Variants in RALGPS2 observed in about 807,000 individuals in gnomAD.
RALGPS2 encodes ras-specific guanine nucleotide-releasing factor RalGPS2.
A neutral mutation model predicts 86.8 loss-of-function variants in RALGPS2; 43 were observed. The ratio of observed to expected loss-of-function variants is 0.50; its 90% CI spans 0.39 to 0.64. RALGPS2 has a LOEUF of 0.64. Ranked by LOEUF, RALGPS2 falls within the 30% of genes least tolerant of loss-of-function variation. RALGPS2 has a pLI of 0.00. For synonymous variants in RALGPS2, 243 were observed against 231.3 expected, an observed-to-expected ratio of 1.05 and a Z score of -0.46; for missense variants, 536 against 694.6, an observed-to-expected ratio of 0.77 and a Z score of 2.57.
intron 1 of RALGPS2, among the ~76,000 whole-genome samples, chr1:178,729,729 A>G (rs1650229151): frequency 6.6e-6 from 1 of 152,184 alleles, no homozygotes; most frequent in African/African-American, 2.4e-5. Context: ...AAAATCTGAC[A>G]AAATCTGAAA....
intron 15 of RALGPS2, among the ~76,000 whole-genome samples, chr1:178,892,967 T>C (rs938806606): frequency 1.3e-5 from 2 of 152,118 alleles, no homozygotes; most frequent in Non-Finnish European, 2.9e-5. Flanking sequence ...TCTCCGTGCA[T>C]GTACCTCCCT....
chr1:178,903,355 A>AT (rs555202598), intron 18 of RALGPS2, among the ~76,000 whole-genome samples: 4 of 151,758 alleles, frequency 2.6e-5, no homozygotes, highest in South Asian at 2.1e-4. Flanking sequence ...CCTACTCAAC[A>AT]TTTTTTTTCC....
At position 178,856,394 on chromosome 1, in the gene RALGPS2, A is replaced by ATTTT. The variant is rs71108081; in HGVS notation, c.608-21075_608-21072dup. On this transcript the variant is annotated intron_variant, in intron 8 of 19. Transcript: ENST00000367635. ...AGGCAAGTGCCACCCTGCCTGGCTA[A>ATTTT]TTTTTTTTTTTTTTTTTTTTTTTTT... is the stretch of plus-strand genomic sequence containing the variant. Among the ~76,000 whole-genome samples the ATTTT allele has an allele frequency of 3.7e-3, 133 of 36,428 alleles. 26 individuals are homozygous for ATTTT. The highest frequency in any genetic ancestry group is 0.015 in the African/African-American group (104 of 6,862). 23.9% of individuals were successfully genotyped at this position (36,428 alleles called of 152,430 possible).
At chr1:178,880,220 T>G (rs4500277) in intron 10 of RALGPS2, among the ~76,000 whole-genome samples, 35,990 of 152,128 alleles carry the variant, frequency 0.24, 4,974 homozygotes, top group Non-Finnish European at 0.32. Flanking sequence ...TTGGTAATGA[T>G]TATTAACTTC....
intron 1 of RALGPS2, among the ~76,000 whole-genome samples, chr1:178,734,433 A>T (rs1650561897): frequency 6.6e-6 from 1 of 152,214 alleles, no homozygotes; most frequent in African/African-American, 2.4e-5. Flanking sequence ...AAGGGTATGG[A>T]TTTCTTTCTG....
chr1:178,838,025 G>A (rs887219833), intron 8 of RALGPS2, among the ~76,000 whole-genome samples: 5 of 152,206 alleles, frequency 3.3e-5, no homozygotes, highest in Non-Finnish European at 5.9e-5. Context: ...AAACAAAGCG[G>A]CCTGGAAGCT....
chr1:178,813,435 A>T (rs1655086049), intron 6 of RALGPS2, among the ~76,000 whole-genome samples: 1 of 152,134 alleles, frequency 6.6e-6, no homozygotes, highest in Non-Finnish European at 1.5e-5. Flanking sequence ...ACTTGCCTTC[A>T]TCCCAAGCTC....
chr1:178,852,977 A>G, intron 8 of RALGPS2: 1 of 1,589,246 alleles, frequency 6.3e-7, no homozygotes, highest in Non-Finnish European at 8.5e-7. Flanking sequence ...AAGAAACATG[A>G]GTGCATAAAT....
At chr1:178,733,582 A>C (rs1297646605) in intron 1 of RALGPS2, among the ~76,000 whole-genome samples, 1 of 152,256 alleles carries the variant, frequency 6.6e-6, no homozygotes, top group African/African-American at 2.4e-5. Context: ...GCAAGAATGT[A>C]GAGCATTTGG....
intron 19 of RALGPS2, among the ~76,000 whole-genome samples, chr1:178,915,482 G>A (rs1660777080): frequency 6.6e-6 from 1 of 152,182 alleles, no homozygotes; most frequent in Non-Finnish European, 1.5e-5. Flanking sequence ...TGATCTGCCT[G>A]CCTCAGCCTC....
chr1:178,841,268 C>T (rs1158565728), intron 8 of RALGPS2, among the ~76,000 whole-genome samples: 53 of 151,164 alleles, frequency 3.5e-4, no homozygotes, highest in Admixed American at 1.2e-3. Flanking sequence ...ACTGGCAAAC[C>T]GAATCCAGCA....
At chr1:178,853,651 A>G (rs985087375) in intron 8 of RALGPS2, 8 of 1,611,702 alleles carry the variant, frequency 5.0e-6, no homozygotes, top group East Asian at 2.2e-5. Context: ...TTTTCTGAAT[A>G]ACAGTCCAAC....
rs930645403 is a variant in RALGPS2, at chr1:178,776,740, A to T, written c.-25A>T. The T allele has an allele frequency of 6.3e-7, 1 of 1,591,170 alleles. No individual in the cohort carries two copies. Among genetic ancestry groups the T allele is most frequent in the African/African-American group, 1.4e-5 (1 of 74,044 alleles). ...GTCAGTCCTCTGTTGCTGTTAACAT[A>T]AGGTCAGGGACTGATGAGGAAAGCA... On this transcript the variant is annotated 5_prime_UTR_variant, in exon 2 of 20. Coordinates refer to ENST00000367635, the MANE Select transcript of RALGPS2 (RefSeq NM_152663.5).
chr1:178,790,106 G>A (rs1294846391), intron 4 of RALGPS2, among the ~76,000 whole-genome samples: 3 of 151,958 alleles, frequency 2.0e-5, no homozygotes, highest in Admixed American at 6.6e-5. Flanking sequence ...GTGCCACCAT[G>A]CCTGGCTAAT....
At chr1:178,865,352 A>T in intron 8 of RALGPS2, 1 of 1,614,124 alleles carries the variant, frequency 6.2e-7, no homozygotes, top group South Asian at 1.1e-5. Context: ...CCTCTTACGG[A>T]TAATCTCATG....
intron 4 of RALGPS2, among the ~76,000 whole-genome samples, chr1:178,796,926 A>G (rs562288435): frequency 6.6e-6 from 1 of 152,154 alleles, no homozygotes; most frequent in South Asian, 2.1e-4. Flanking sequence ...TTTATATATG[A>G]TTTACTATTT....
At chr1:178,910,074 G>T (rs550931492) in intron 19 of RALGPS2, among the ~76,000 whole-genome samples, 1 of 152,112 alleles carries the variant, frequency 6.6e-6, no homozygotes, top group African/African-American at 2.4e-5. Flanking sequence ...AGTGTTATTG[G>T]TGTATAGAAA....
chr1:178,746,998 G>T, intron 1 of RALGPS2: 1 of 928,272 alleles, frequency 1.1e-6, no homozygotes, highest in South Asian at 1.3e-5. Context: ...CTGTATACTA[G>T]AATCTCCCTT....
At chr1:178,837,097 TACTC>T (rs1656317613) in intron 8 of RALGPS2, among the ~76,000 whole-genome samples, 2 of 152,198 alleles carry the variant, frequency 1.3e-5, no homozygotes, top group Admixed American at 1.3e-4. Context: ...CTTCTTTTCT[TACTC>T]TATATAATCG....
Sources: allele counts gnomAD v4.1 joint callset (sites outside exome capture counted in the v4.1 genomes callset), GRCh38; gene constraint gnomAD v4.1.1; transcripts MANE v1.5; gene names NCBI Gene and HGNC (gene_info 2026-07-23, HGNC 2026-07-21).